Variants in GCNT3 observed in about 807,000 individuals in gnomAD.
GCNT3 encodes the protein glucosaminyl (N-acetyl) transferase 3, mucin type, also known as beta-1,3-galactosyl-O-glycosyl-glycoprotein beta-1,6-N-acetylglucosaminyltransferase 3.
For missense variants in GCNT3, 708 were observed against 530.3 expected, an observed-to-expected ratio of 1.34 and a Z score of -3.29; for synonymous variants, 269 against 195.2, an observed-to-expected ratio of 1.38 and a Z score of -3.15.
At position 59,619,810 on chromosome 15, in the gene GCNT3, C is replaced by A. The variant is rs2082739329; in HGVS notation, c.*255C>A. On this transcript the variant is annotated 3_prime_UTR_variant, in exon 3 of 3. Transcript: ENST00000396065. ...CTTTCTCACTAAGTGAGAATGAGAA[C>A]TGCTGTGATAGGGAGAGTGAAGGAG... 1 of 374,868 alleles carries A rather than the reference C, an allele frequency of 2.7e-6. No homozygotes were observed. Among genetic ancestry groups the A allele is most frequent in the African/African-American group, 2.0e-5 (1 of 49,014 alleles). The allele number at this position is 374,868 out of a possible 1,614,324, so 23.2% of individuals were successfully genotyped here.
chr15:59,612,612 G>A (rs1266581977), intron 1 of GCNT3, among the ~76,000 whole-genome samples: 1 of 152,120 alleles, frequency 6.6e-6, no homozygotes, highest in Admixed American at 6.5e-5. Context: ...AAATGTGCCC[G>A]GGATCCCAGG....
intron 1 of GCNT3, among the ~76,000 whole-genome samples, chr15:59,615,387 A>C (rs7174490): frequency 0.099 from 15,024 of 152,120 alleles, 1,209 homozygotes; most frequent in East Asian, 0.3. Context: ...TTGAGTGGTC[A>C]CCACTCTTCA....
Position 59,619,773 on chromosome 15 carries a change from T to G in GCNT3, c.*218T>G. 1 of 460,676 alleles carries G rather than the reference T, an allele frequency of 2.2e-6. No homozygotes were observed. Among genetic ancestry groups the G allele is most frequent in the East Asian group, 3.8e-5 (1 of 26,122 alleles). The allele number at this position is 460,676 out of a possible 1,614,324, so 28.5% of individuals were successfully genotyped here. On this transcript the variant is annotated 3_prime_UTR_variant, in exon 3 of 3. Coordinates refer to ENST00000396065, the MANE Select transcript of GCNT3 (RefSeq NM_004751.3). ...GTTCTCTCACCCCTAACCCTAGTAG[T>G]TCCTCCACTAACTTTCTCACTAAGT... is the stretch of plus-strand genomic sequence containing the variant.
chr15:59,621,316 C>T lies in GCNT3; in HGVS notation c.*1761C>T, dbSNP rs1595658121. The T allele has an allele frequency of 2.0e-5, 3 of 152,156 alleles. No individual in the cohort carries two copies. In the South Asian group the frequency reaches 6.2e-4, roughly 32 times the overall value. The allele number at this position is 152,156 out of a possible 1,614,324, so 9.4% of individuals were successfully genotyped here. Reference sequence around the variant, plus strand: ...ATACATATATGTGTGTGTATGTATACACACATACAGCACGCTACCTCCCAA... The same window carrying T: ...ATACATATATGTGTGTGTATGTATATACACATACAGCACGCTACCTCCCAA... On this transcript the variant is annotated 3_prime_UTR_variant, in exon 3 of 3. Transcript: ENST00000396065.
Position 59,620,838 on chromosome 15 carries a change from T to G in GCNT3, c.*1283T>G, listed in dbSNP as rs1394739336. 6.0e-6 allele frequency: 1 copy of G among 165,296 alleles called. No individual in the cohort carries two copies. The highest frequency in any genetic ancestry group is 1.9e-4 in the East Asian group (1 of 5,166). The allele number at this position is 165,296 out of a possible 1,614,324, so 10.2% of individuals were successfully genotyped here. On this transcript the variant is annotated 3_prime_UTR_variant, in exon 3 of 3. Transcript: ENST00000396065. The stretch of plus-strand genomic sequence containing the variant: ...TATTCAGTTAAACCAGGATGTCTTA[T>G]TATTCCATGTTTAGGCCTCTTGAGT...
chr15:59,615,403 A>G (rs922308677), intron 1 of GCNT3, among the ~76,000 whole-genome samples: 6 of 152,148 alleles, frequency 3.9e-5, no homozygotes, highest in Non-Finnish European at 8.8e-5. Context: ...CTTCAGAGCC[A>G]TGAGTTTCAG....
rs1890916200 is a variant in GCNT3 at position 59,620,927 on chromosome 15, A to AG, written c.*1374dup. The AG allele has an allele frequency of 9.0e-6, 1 of 111,136 alleles. No individual in the cohort carries two copies. The highest frequency in any genetic ancestry group is 1.5e-4 in the Admixed American group (1 of 6,834). 6.9% of individuals were successfully genotyped at this position (111,136 alleles called of 1,614,324 possible). On this transcript the variant is annotated 3_prime_UTR_variant, in exon 3 of 3. Coordinates refer to ENST00000396065, the MANE Select transcript of GCNT3 (RefSeq NM_004751.3). ...GAGACAGGTTCTCACTCTGTTGCCC[A>AG]GGCTGGAGTGCAGTGGCATGATCTT...
rs563984969 is a variant in GCNT3 at position 59,622,434 on chromosome 15, C to A, written c.*2879C>A. The A allele has an allele frequency of 6.6e-6, 1 of 152,182 alleles. No individual in the cohort carries two copies. 9.4% of individuals were successfully genotyped at this position (152,182 alleles called of 1,614,324 possible). On this transcript the variant is annotated 3_prime_UTR_variant, in exon 3 of 3. Coordinates refer to ENST00000396065, the MANE Select transcript of GCNT3 (RefSeq NM_004751.3). Reference sequence around the variant, plus strand: ...ATTCACTTTGCTCCCAACCCCACTACGGAGATGACTGATGACTAGTTGTAT... The same window carrying A: ...ATTCACTTTGCTCCCAACCCCACTAAGGAGATGACTGATGACTAGTTGTAT...
intron 2 of GCNT3, among the ~76,000 whole-genome samples, chr15:59,617,725 T>C (rs1293145335): frequency 6.6e-6 from 1 of 152,202 alleles, no homozygotes; most frequent in Non-Finnish European, 1.5e-5. Context: ...ATTGCCAAAA[T>C]AGAAGCAAGA....
rs373439386 is a variant in GCNT3 at position 59,617,170 on chromosome 15, C to CTTTTTTTTTTTTTTTTTTTTTTTTTTT, written c.-61+292_-61+293insTTTTTTTTTTTTTTTTTTTTTTTTTTT. On this transcript the variant is annotated intron_variant, in intron 2 of 2. Transcript: ENST00000396065. Reference sequence around the variant, plus strand: ...TTTTTCTTTATTTTTCTTTTGTTTTCTTTCTTTCTTTTTTTTTTTTTAAAG... The same window carrying CTTTTTTTTTTTTTTTTTTTTTTTTTTT: ...TTTTTCTTTATTTTTCTTTTGTTTTCTTTTTTTTTTTTTTTTTTTTTTTTTTTTTTCTTTCTTTTTTTTTTTTTAAAG... Among the ~76,000 whole-genome samples the CTTTTTTTTTTTTTTTTTTTTTTTTTTT allele has an allele frequency of 3.6e-5, 3 of 82,348 alleles. 1 individual carries two copies. Among genetic ancestry groups the CTTTTTTTTTTTTTTTTTTTTTTTTTTT allele is most frequent in the African/African-American group, 9.2e-5 (2 of 21,636 alleles). 54.0% of individuals were successfully genotyped at this position (82,348 alleles called of 152,430 possible). A position where few individuals can be genotyped will look rare whatever the true frequency, so the allele number is the denominator to read the frequency against.
rs148722358 is a variant in GCNT3 at position 59,618,763 on chromosome 15, G to T, written c.525G>T (p.Ala175=). ...DEKSPETFKE[A]VKAIISCFPN... is the part of the protein sequence containing the mutation. ...AGTCCCCAGAAACTTTCAAAGAGGCGGTCAAAGCAATTATTTCTTGCTTCC... is the reference window on the plus strand; with the variant it reads ...AGTCCCCAGAAACTTTCAAAGAGGCTGTCAAAGCAATTATTTCTTGCTTCC... The change falls in exon 3 of 3, where the codon GCG becomes GCT. Residue 175 remains alanine, a synonymous_variant. Transcript: ENST00000396065. The T allele has an allele frequency of 9.8e-5, 158 of 1,614,012 alleles. No individual in the cohort carries two copies. The highest frequency in any genetic ancestry group is 1.3e-4 in the Non-Finnish European group (152 of 1,180,034).
At position 59,620,871 on chromosome 15, in the gene GCNT3, C is replaced by CTTTTTTTTTTTTTTTTTTT. The variant is rs35956614; in HGVS notation, c.*1327_*1345dup. The CTTTTTTTTTTTTTTTTTTT allele has an allele frequency of 2.0e-5, 1 of 51,150 alleles. No individual in the cohort carries two copies. Among genetic ancestry groups the CTTTTTTTTTTTTTTTTTTT allele is most frequent in the African/African-American group, 6.5e-5 (1 of 15,372 alleles). The allele number at this position is 51,150 out of a possible 1,614,324, so 3.2% of individuals were successfully genotyped here. A position where few individuals can be genotyped will look rare whatever the true frequency, so the allele number is the denominator to read the frequency against. ...TGTTTAGGCCTCTTGAGTCAAAACT[C>CTTTTTTTTTTTTTTTTTTT]TTTTTTTTTTTTTTTTTTTTTTTTT... is the stretch of plus-strand genomic sequence containing the variant. On this transcript the variant is annotated 3_prime_UTR_variant, in exon 3 of 3. Coordinates refer to ENST00000396065, the MANE Select transcript of GCNT3 (RefSeq NM_004751.3).
chr15:59,618,246 A>G lies in GCNT3; in HGVS notation c.8A>G (p.Gln3Arg), dbSNP rs2082728646. Residue 3 changes from glutamine (Q) to arginine (R), a missense_variant, in exon 3 of 3, where the codon CAA (glutamine) becomes CGA (arginine). Coordinates refer to ENST00000396065, the MANE Select transcript of GCNT3 (RefSeq NM_004751.3). ...GTCTCCCATTCTGTGACGATGGTTC[A>G]ATGGAAGAGACTCTGCCAGCTGCAT... MVQWKRLCQLHYL... is the reference protein window; with the variant it reads MVRWKRLCQLHYL... The G allele has an allele frequency of 6.4e-7, 1 of 1,559,558 alleles. No individual in the cohort carries two copies. Among genetic ancestry groups the G allele is most frequent in the Non-Finnish European group, 8.7e-7 (1 of 1,149,748 alleles).
rs1378022814 is a variant in GCNT3, at chr15:59,620,905, A to G, written c.*1350A>G. 3.6e-5 allele frequency: 3 copies of G among 84,234 alleles called. No homozygotes were observed. The highest frequency in any genetic ancestry group is 1.3e-4 in the African/African-American group (3 of 22,338). 5.2% of individuals were successfully genotyped at this position (84,234 alleles called of 1,614,324 possible). ...TTTTTTTTTTTTTTTTTTTTTGGAG[A>G]CAGGTTCTCACTCTGTTGCCCAGGC... On this transcript the variant is annotated 3_prime_UTR_variant, in exon 3 of 3. Transcript: ENST00000396065.
chr15:59,617,237 G>A (rs2082724189), intron 2 of GCNT3, among the ~76,000 whole-genome samples: 2 of 143,128 alleles, frequency 1.4e-5, no homozygotes, highest in Admixed American at 1.4e-4. Flanking sequence ...TTGTTTGGGA[G>A]TCCAAACAAA....
intron 2 of GCNT3, 90 bp downstream of exon 2, chr15:59,616,971 A>G (rs1383423434): frequency 4.6e-5 from 7 of 152,192 alleles, no homozygotes; most frequent in African/African-American, 1.7e-4. Context: ...GTTTAGGAAG[A>G]GCTACAACAA....
chr15:59,613,534 CAATAAATAAATAAATA>C (rs199605633), intron 1 of GCNT3, among the ~76,000 whole-genome samples: 2,793 of 135,482 alleles, frequency 0.021, 40 homozygotes, highest in African/African-American at 0.025. Context: ...TCCATCTCTA[CAATAAATAAATAAATA>C]AATAAATAAA....
Position 59,619,525 on chromosome 15 carries a change from T to A in GCNT3, c.1287T>A (p.Arg429=), listed in dbSNP as rs138074286. The A allele has an allele frequency of 3.1e-5, 50 of 1,605,116 alleles. No homozygotes were observed. The highest frequency in any genetic ancestry group is 4.0e-5 in the Non-Finnish European group (47 of 1,173,536). ...TTCAGTGCTTAGAAGAATACCTACG[T>A]TATAAGGCCATCTATGGGACTGAAC... ...NALQCLEEYL[R]YKAIYGTEL The change falls in exon 3 of 3, where the codon CGT becomes CGA. Residue 429 remains arginine, a synonymous_variant. Coordinates refer to ENST00000396065, the MANE Select transcript of GCNT3 (RefSeq NM_004751.3).
Position 59,618,713 on chromosome 15 carries a change from A to T in GCNT3, c.475A>T (p.Ile159Leu). Residue 159 changes from isoleucine to leucine, a missense_variant, in exon 3 of 3, where the codon ATA (isoleucine) becomes TTA (leucine). Coordinates refer to ENST00000396065, the MANE Select transcript of GCNT3 (RefSeq NM_004751.3). ...LLRAVYAPQN[I>L]YCVHVDEKSP... is the part of the protein sequence containing the mutation. ...GCGAGCTGTGTATGCCCCTCAGAAC[A>T]TATACTGTGTCCATGTGGATGAGAA... 1.2e-6 allele frequency: 2 copies of T among 1,614,210 alleles called. No homozygotes were observed. Among genetic ancestry groups the T allele is most frequent in the Non-Finnish European group, 8.5e-7 (1 of 1,180,016 alleles).
Sources: allele counts gnomAD v4.1 joint callset (sites outside exome capture counted in the v4.1 genomes callset), GRCh38; gene constraint gnomAD v4.1.1; transcripts MANE v1.5; gene names NCBI Gene and HGNC (gene_info 2026-07-23, HGNC 2026-07-21).